LRP1B: variants seen among roughly 807,000 people sequenced by gnomAD.
LRP1B encodes the protein low-density lipoprotein receptor-related protein 1B.
A neutral mutation model predicts 556.6 loss-of-function variants in LRP1B; 217 were observed. The ratio of observed to expected loss-of-function variants is 0.39; its 90% CI spans 0.35 to 0.44. The LOEUF is 0.44. Ranked by LOEUF, LRP1B falls within the 20% of genes least tolerant of loss-of-function variation. The probability of loss-of-function intolerance (pLI) is 1.00; values close to 1 mark genes in which losing one functional copy is unlikely to be tolerated. For synonymous variants in LRP1B, 2,047 were observed against 1,865.8 expected (o/e 1.10, Z -2.50); for missense variants, 5,053 against 5,620.8 (o/e 0.90, Z 3.23).
At chr2:140,327,861 G>T (rs1240263330) in intron 79 of LRP1B, among the ~76,000 whole-genome samples, 3 of 151,914 alleles carry the variant, frequency 2.0e-5, no homozygotes, top group African/African-American at 4.8e-5. Flanking sequence ...TGTACTATTG[G>T]ATGGAATTAC....
intron 2 of LRP1B, among the ~76,000 whole-genome samples, chr2:141,531,051 G>A (rs1322579783): frequency 3.3e-5 from 5 of 151,518 alleles, no homozygotes; most frequent in Non-Finnish European, 7.4e-5. Flanking sequence ...TAATAATTTA[G>A]TTAAGCATTT....
chr2:141,821,336 G>A (rs16847266), intron 1 of LRP1B, among the ~76,000 whole-genome samples: 4,706 of 152,260 alleles, frequency 0.031, 234 homozygotes, highest in African/African-American at 0.11. Flanking sequence ...TAATGAGTAA[G>A]AAACAAGCAT....
chr2:141,720,917 T>TA (rs887997453), intron 2 of LRP1B, among the ~76,000 whole-genome samples: 4 of 152,190 alleles, frequency 2.6e-5, no homozygotes, highest in African/African-American at 9.6e-5. Context: ...TCTGTGAACT[T>TA]AATACTTTAA....
intron 7 of LRP1B, among the ~76,000 whole-genome samples, chr2:141,091,483 C>A (rs932843803): frequency 6.6e-6 from 1 of 152,214 alleles, no homozygotes; most frequent in Non-Finnish European, 1.5e-5. Context: ...ATCCTCTCCA[C>A]GTGCACAGTG....
chr2:140,309,638 A>G (rs907256272), intron 83 of LRP1B, among the ~76,000 whole-genome samples: 4 of 151,798 alleles, frequency 2.6e-5, no homozygotes, highest in African/African-American at 9.7e-5. Context: ...AATAATTATC[A>G]TGATCCTGAC....
chr2:141,402,345 A>T (rs1018103750), intron 3 of LRP1B, among the ~76,000 whole-genome samples: 1 of 152,152 alleles, frequency 6.6e-6, no homozygotes, highest in Non-Finnish European at 1.5e-5. Flanking sequence ...TTCAAATCAA[A>T]TCTATATAAT....
chr2:140,408,216 A>G (rs1684829275), intron 66 of LRP1B, among the ~76,000 whole-genome samples: 1 of 151,970 alleles, frequency 6.6e-6, no homozygotes. Flanking sequence ...AAGGCTACAT[A>G]TAGGGTACAG....
chr2:141,112,071 T>TAAATAAATA (rs1553461490), intron 7 of LRP1B, among the ~76,000 whole-genome samples: 2,776 of 145,802 alleles, frequency 0.019, 39 homozygotes, highest in Non-Finnish European at 0.027. Flanking sequence ...AATAAATAAA[T>TAAATAAATA]AATAAATAAA....
At chr2:140,552,993 A>G (rs1276402792) in intron 43 of LRP1B, among the ~76,000 whole-genome samples, 1 of 152,110 alleles carries the variant, frequency 6.6e-6, no homozygotes, top group East Asian at 1.9e-4. Context: ...ACCTGAATGT[A>G]AAAATATTCA....
chr2:141,137,186 T>C (rs1429695946), intron 7 of LRP1B, among the ~76,000 whole-genome samples: 1 of 151,948 alleles, frequency 6.6e-6, no homozygotes, highest in Non-Finnish European at 1.5e-5. Context: ...AAATTCAGTT[T>C]TAAAGACTCA....
chr2:141,850,366 TG>T (rs1482102638), intron 1 of LRP1B, among the ~76,000 whole-genome samples: 2 of 151,750 alleles, frequency 1.3e-5, no homozygotes, highest in Non-Finnish European at 3.0e-5. Context: ...ATCTTTGCTT[TG>T]TGACATAGAT....
At chr2:140,841,508 C>A (rs976427944) in intron 29 of LRP1B, among the ~76,000 whole-genome samples, 4 of 151,988 alleles carry the variant, frequency 2.6e-5, no homozygotes, top group African/African-American at 9.7e-5. Flanking sequence ...GTTTTAAGTG[C>A]CAATTTGTTA....
chr2:141,789,227 G>A (rs1558876368), intron 2 of LRP1B, among the ~76,000 whole-genome samples: 1 of 151,934 alleles, frequency 6.6e-6, no homozygotes, highest in African/African-American at 2.4e-5. Context: ...TTTTATAGGA[G>A]GGGGGTGTCC....
rs201700178 is a variant in LRP1B, at chr2:140,944,341, AAAG to A, written c.3136+5891_3136+5893del. Among the ~76,000 whole-genome samples, 79 of 152,258 alleles carry A rather than the reference AAAG, an allele frequency of 5.2e-4. No individual in the cohort carries two copies. In the East Asian group the frequency reaches 0.014, roughly 28 times the overall value. ...CACAGTCAAATTCCACCTGACCTAC[AAAG>A]AAGAACAGGTACCAATCCTACTGAA... On this transcript the variant is annotated intron_variant, in intron 20 of 90. Coordinates refer to ENST00000389484, the MANE Select transcript of LRP1B (RefSeq NM_018557.3).
chr2:140,947,102 C>T (rs1298878565), intron 20 of LRP1B, among the ~76,000 whole-genome samples: 1 of 152,082 alleles, frequency 6.6e-6, no homozygotes, highest in Non-Finnish European at 1.5e-5. Flanking sequence ...AATAGAAGTC[C>T]AAACCTCAGC....
chr2:140,234,688 A>C (rs1680616849), intron 90 of LRP1B, 98 bp downstream of exon 90: 3 of 606,750 alleles, frequency 4.9e-6, no homozygotes, highest in Non-Finnish European at 9.1e-6. Context: ...TTAATTAAAA[A>C]CTTAATTAAA....
chr2:141,115,616 C>A (rs984802859), intron 7 of LRP1B, among the ~76,000 whole-genome samples: 4 of 134,138 alleles, frequency 3.0e-5, no homozygotes, highest in African/African-American at 1.1e-4. Flanking sequence ...GCCACCATGC[C>A]CGGCTAATTT....
chr2:142,023,622 A>G (rs1360641257), intron 1 of LRP1B, among the ~76,000 whole-genome samples: 1 of 152,220 alleles, frequency 6.6e-6, no homozygotes, highest in Non-Finnish European at 1.5e-5. Flanking sequence ...AAGAGAAGAT[A>G]TTACTTCTTC....
chr2:140,578,331 C>T (rs746256719), intron 43 of LRP1B, among the ~76,000 whole-genome samples: 1 of 152,110 alleles, frequency 6.6e-6, no homozygotes, highest in Non-Finnish European at 1.5e-5. Context: ...CGACTTTAAC[C>T]CCTTTTAATG....
Sources: gnomAD v4.1 joint callset for allele counts (sites outside exome capture counted in the v4.1 genomes callset) on GRCh38, gnomAD v4.1.1 for gene constraint, MANE v1.5 for transcripts, NCBI Gene and HGNC (gene_info 2026-07-23, HGNC 2026-07-21) for gene names.